The following MALRD1 variants were observed in gnomAD, a reference collection of about 807,000 sequenced individuals.
MALRD1 encodes MAM and LDL receptor class A domain containing 1, also known as MAM and LDL-receptor class A domain-containing protein 1.
A neutral mutation model predicts 242.1 loss-of-function variants in MALRD1; 247 were observed. That is an observed-to-expected ratio of 1.02 (90% CI 0.92 to 1.13). The LOEUF (loss-of-function observed/expected upper bound fraction) is 1.13. MALRD1 is among the 50% of genes most tolerant of loss of function. MALRD1 has a pLI of 0.00. For synonymous variants in MALRD1, 995 were observed against 866.6 expected (o/e 1.15, Z -2.60); for missense variants, 2,989 against 2,533.1 (o/e 1.18, Z -3.86).
chr10:19,118,219 A>G (rs964736082), intron 5 of MALRD1, among the ~76,000 whole-genome samples: 1 of 152,186 alleles, frequency 6.6e-6, no homozygotes, highest in Non-Finnish European at 1.5e-5. Context: ...TATGTTGACA[A>G]AAAGAGTCAA....
Position 19,174,891 on chromosome 10 carries a change from T to G in MALRD1, c.1831-317T>G, listed in dbSNP as rs12243541. Among the ~76,000 whole-genome samples, 432 of 152,246 alleles carry G rather than the reference T, an allele frequency of 2.8e-3. 1 individual carries two copies. The highest frequency in any genetic ancestry group is 0.01 in the African/African-American group (420 of 41,552). ...TTAAATTGAGTTGTAAGTCACACAG[T>G]TGATTACCCCAAAGAGCTCATTATA... On this transcript the variant is annotated intron_variant, in intron 13 of 39. Transcript: ENST00000454679.
chr10:19,712,832 A>T (rs1834195940), intron 38 of MALRD1, among the ~76,000 whole-genome samples: 1 of 152,180 alleles, frequency 6.6e-6, no homozygotes, highest in South Asian at 2.1e-4. Flanking sequence ...TAGAAGAGAT[A>T]GCCAGCAAAA....
At chr10:19,176,602 C>T (rs1264472021) in intron 14 of MALRD1, among the ~76,000 whole-genome samples, 2 of 150,858 alleles carry the variant, frequency 1.3e-5, no homozygotes, top group Non-Finnish European at 3.0e-5. Flanking sequence ...TCTCGATCTC[C>T]TGACCTCATG....
chr10:19,420,202 T>C (rs1020837833), intron 28 of MALRD1, among the ~76,000 whole-genome samples: 3 of 152,082 alleles, frequency 2.0e-5, no homozygotes, highest in South Asian at 2.1e-4. Flanking sequence ...CTAATTATGA[T>C]TGGCTCATTT....
chr10:19,211,576 A>G (rs544403919), intron 18 of MALRD1, among the ~76,000 whole-genome samples: 1 of 150,786 alleles, frequency 6.6e-6, no homozygotes, highest in South Asian at 2.1e-4. Flanking sequence ...AATCCCAGCT[A>G]CTTGGGAGGG....
chr10:19,537,663 A>G (rs1465131261), intron 32 of MALRD1, among the ~76,000 whole-genome samples: 1 of 152,176 alleles, frequency 6.6e-6, no homozygotes, highest in Non-Finnish European at 1.5e-5. Flanking sequence ...TTATTTTTCC[A>G]AAGAACTATA....
chr10:19,682,048 C>G (rs1743565001), intron 36 of MALRD1, among the ~76,000 whole-genome samples: 1 of 151,956 alleles, frequency 6.6e-6, no homozygotes, highest in Admixed American at 6.6e-5. Flanking sequence ...TGTGTTAGTA[C>G]TTTATTTTAC....
At chr10:19,404,862 A>G (rs1847022477) in intron 28 of MALRD1, among the ~76,000 whole-genome samples, 1 of 152,182 alleles carries the variant, frequency 6.6e-6, no homozygotes, top group Non-Finnish European at 1.5e-5. Context: ...ATCCATTTGC[A>G]TCTTCTCATA....
intron 14 of MALRD1, among the ~76,000 whole-genome samples, chr10:19,195,370 G>T (rs549756213): frequency 6.6e-6 from 1 of 151,936 alleles, no homozygotes. Context: ...TGGCTCTGAC[G>T]TCTAGACCTT....
At chr10:19,242,663 C>T (rs774390186) in intron 18 of MALRD1, among the ~76,000 whole-genome samples, 1 of 151,866 alleles carries the variant, frequency 6.6e-6, no homozygotes, top group Non-Finnish European at 1.5e-5. Context: ...TTGAATTGGG[C>T]CTTTTGTCAT....
intron 2 of MALRD1, among the ~76,000 whole-genome samples, chr10:19,081,726 T>C (rs1274067230): frequency 1.3e-5 from 2 of 152,012 alleles, no homozygotes; most frequent in East Asian, 3.9e-4. Context: ...CGTTTACCTG[T>C]GTAACAAACC....
chr10:19,520,658 A>G (rs904738200), intron 31 of MALRD1, among the ~76,000 whole-genome samples: 2 of 152,212 alleles, frequency 1.3e-5, no homozygotes, highest in African/African-American at 4.8e-5. Context: ...GTGTTTCTCT[A>G]TGAAACCATA....
chr10:19,568,899 CAT>C (rs766931322), intron 33 of MALRD1, among the ~76,000 whole-genome samples: 47 of 152,036 alleles, frequency 3.1e-4, no homozygotes, highest in African/African-American at 4.1e-4. Flanking sequence ...GCATTTTGCA[CAT>C]GTTAGTACAT....
chr10:19,551,208 C>T (rs1046484758), intron 32 of MALRD1, among the ~76,000 whole-genome samples: 1 of 152,022 alleles, frequency 6.6e-6, no homozygotes, highest in Admixed American at 6.6e-5. Context: ...GGATATTAGA[C>T]CTTTATAAGA....
intron 14 of MALRD1, among the ~76,000 whole-genome samples, chr10:19,185,452 T>A (rs912436957): frequency 6.6e-6 from 1 of 152,128 alleles, no homozygotes; most frequent in South Asian, 2.1e-4. Context: ...TACTGAGTAG[T>A]TGAATTCAAT....
intron 2 of MALRD1, among the ~76,000 whole-genome samples, chr10:19,069,129 A>G (rs1164135651): frequency 6.6e-6 from 1 of 152,110 alleles, no homozygotes; most frequent in Non-Finnish European, 1.5e-5. Flanking sequence ...TTTTAAATGT[A>G]TAATTCACTT....
rs146360307 is a variant in MALRD1, at chr10:19,429,505, G to A, written c.4846-20802G>A. 2.2e-3 allele frequency among the ~76,000 whole-genome samples: 331 copies of A among 152,162 alleles called. 4 individuals are homozygous for A. The East Asian group carries it at 0.041, about 19-fold the overall frequency. On this transcript the variant is annotated intron_variant, in intron 28 of 39. Transcript: ENST00000454679. The stretch of plus-strand genomic sequence containing the variant: ...CGTGAACCCGGGAGGTGGAGGTTGC[G>A]GTGAGCCGAGGCCATGCCATTGTAC...
At chr10:19,291,538 A>G (rs1443287174) in intron 21 of MALRD1, 2 of 150,950 alleles carry the variant, frequency 1.3e-5, no homozygotes, top group South Asian at 2.1e-4. Context: ...ATGACACTTT[A>G]TCTCTAAAAA....
chr10:19,527,027 T>A (rs1289205955), intron 31 of MALRD1, among the ~76,000 whole-genome samples: 1 of 152,150 alleles, frequency 6.6e-6, no homozygotes, highest in Non-Finnish European at 1.5e-5. Flanking sequence ...TAACTATGGC[T>A]ATTTAAGAAA....
Sources: gnomAD v4.1 joint callset for allele counts (sites outside exome capture counted in the v4.1 genomes callset) on GRCh38, gnomAD v4.1.1 for gene constraint, MANE v1.5 for transcripts, NCBI Gene and HGNC (gene_info 2026-07-23, HGNC 2026-07-21) for gene names.